Variants in ALDH2 observed in about 807,000 individuals in gnomAD.
ALDH2 encodes the protein aldehyde dehydrogenase, mitochondrial.
A neutral mutation model predicts 59.6 loss-of-function variants in ALDH2; 44 were observed. The ratio of observed to expected loss-of-function variants is 0.74; its 90% CI spans 0.58 to 0.95. ALDH2 has a LOEUF of 0.95. Among genes scored for constraint, ALDH2 ranks in the 40% least tolerant of loss-of-function variants. The probability of loss-of-function intolerance (pLI) is 0.00; values close to 1 mark genes in which losing one functional copy is unlikely to be tolerated. For synonymous variants in ALDH2, 291 were observed against 284.0 expected (o/e 1.02, Z -0.25); for missense variants, 570 against 696.3 (o/e 0.82, Z 2.04).
At chr12:111,799,840 C>G in intron 10 of ALDH2, 66 bp from the exon 11 acceptor site, 1 of 1,554,242 alleles carries the variant, frequency 6.4e-7, no homozygotes, top group Non-Finnish European at 8.8e-7. Context: ...CTGTTCTGCT[C>G]TGAGAGAGCT....
intron 3 of ALDH2, among the ~76,000 whole-genome samples, chr12:111,784,256 G>A (rs1321599106): frequency 6.6e-6 from 1 of 152,192 alleles, no homozygotes; most frequent in Non-Finnish European, 1.5e-5. Flanking sequence ...CAAGGCTGCA[G>A]TGAGCTGTTG....
intron 1 of ALDH2, among the ~76,000 whole-genome samples, chr12:111,779,413 T>C (rs1243901511): frequency 1.3e-5 from 2 of 150,016 alleles, no homozygotes; most frequent in African/African-American, 2.5e-5. Flanking sequence ...TGGTCTCAAA[T>C]TCCTGAGCTC....
intron 9 of ALDH2, among the ~76,000 whole-genome samples, chr12:111,793,622 G>C (rs1234868591): frequency 2.0e-5 from 3 of 151,486 alleles, no homozygotes; most frequent in Non-Finnish European, 2.9e-5. Context: ...TGGAGACAGA[G>C]TTTTGTTCTG....
intron 8 of ALDH2, 118 bp downstream of exon 8, chr12:111,792,281 G>T: frequency 1.2e-6 from 1 of 839,170 alleles, no homozygotes; most frequent in Non-Finnish European, 1.9e-6. Flanking sequence ...TGTCCCTCGG[G>T]CCTCAGGATA....
At chr12:111,791,278 C>T in intron 6 of ALDH2, 28 bp from the exon 7 acceptor site, 1 of 1,564,382 alleles carries the variant, frequency 6.4e-7, no homozygotes, top group Non-Finnish European at 8.8e-7. Context: ...AGGGTGACTC[C>T]CAATGTCCCC....
chr12:111,791,398 G>A lies in ALDH2; in HGVS notation c.774G>A (p.Val258=), dbSNP rs1331661625. 2 of 1,613,552 alleles carry A rather than the reference G, an allele frequency of 1.2e-6. No individual in the cohort carries two copies. The highest frequency in any genetic ancestry group is 1.7e-6 in the Non-Finnish European group (2 of 1,179,776). The change falls in exon 7 of 13, where the codon GTG becomes GTA. Residue 258 remains valine, a synonymous_variant. Coordinates refer to ENST00000261733, the MANE Select transcript of ALDH2 (RefSeq NM_000690.4). The part of the protein sequence containing the change: ...AIASHEDVDK[V]AFTGSTEIGR... ...CCTCCCATGAGGATGTGGACAAAGT[G>A]GCATTCACAGGCTCCACTGAGGTAA...
At chr12:111,798,016 C>T in intron 9 of ALDH2, 62 bp from the exon 10 acceptor site, 1 of 1,596,988 alleles carries the variant, frequency 6.3e-7, no homozygotes, top group Non-Finnish European at 8.6e-7. Context: ...TAATTCTAAG[C>T]CTGAAGCCTA....
chr12:111,793,806 G>C (rs777258026), intron 9 of ALDH2, among the ~76,000 whole-genome samples: 1 of 151,520 alleles, frequency 6.6e-6, no homozygotes, highest in Non-Finnish European at 1.5e-5. Flanking sequence ...GGCTGGTCTC[G>C]AACTCCTGAG....
chr12:111,802,609 T>A (rs905415368), intron 11 of ALDH2, among the ~76,000 whole-genome samples: 2 of 145,284 alleles, frequency 1.4e-5, no homozygotes, highest in South Asian at 2.2e-4. Flanking sequence ...GGCAGGGCGC[T>A]GTGGTTCACA....
intron 1 of ALDH2, among the ~76,000 whole-genome samples, chr12:111,771,035 C>A (rs1020163203): frequency 6.6e-6 from 1 of 151,976 alleles, no homozygotes; most frequent in Non-Finnish European, 1.5e-5. Context: ...CCTCCTTGGC[C>A]TCCCAAAGTG....
chr12:111,767,179 G>A, intron 1 of ALDH2, 83 bp downstream of exon 1: 2 of 1,161,240 alleles, frequency 1.7e-6, no homozygotes, highest in Non-Finnish European at 2.3e-6. Context: ...GCCGCCGTGG[G>A]CCTTAGTGTA....
chr12:111,788,293 A>T (rs1251389990), intron 4 of ALDH2, among the ~76,000 whole-genome samples: 2 of 151,932 alleles, frequency 1.3e-5, no homozygotes, highest in Admixed American at 1.3e-4. Context: ...CTCCCCGGGG[A>T]CACTGGGCAA....
At chr12:111,792,023 G>A (rs760854542) in intron 7 of ALDH2, 38 bp from the exon 8 acceptor site, 35 of 1,353,748 alleles carry the variant, frequency 2.6e-5, no homozygotes, top group East Asian at 2.1e-4. Flanking sequence ...CTTTTCTCCC[G>A]GCACTGAGAG....
chr12:111,792,889 C>T (rs558925875), intron 9 of ALDH2, 107 bp downstream of exon 9: 1 of 1,231,698 alleles, frequency 8.1e-7, no homozygotes, highest in South Asian at 1.5e-5. Flanking sequence ...TCAGCTCTAC[C>T]ACACAGCAGC....
intron 9 of ALDH2, among the ~76,000 whole-genome samples, 173 bp downstream of exon 9, chr12:111,792,955 G>A (rs1320830161): frequency 6.6e-6 from 1 of 152,050 alleles, no homozygotes; most frequent in Non-Finnish European, 1.5e-5. Context: ...CCCATCCCGA[G>A]CCGTGCCCTG....
intron 1 of ALDH2, among the ~76,000 whole-genome samples, chr12:111,780,638 T>C (rs2068264710): frequency 6.6e-6 from 1 of 152,158 alleles, no homozygotes. Flanking sequence ...AGTCACCTTC[T>C]CTGGATCCTC....
At chr12:111,808,539 T>C (rs574464772) in intron 12 of ALDH2, among the ~76,000 whole-genome samples, 1 of 152,174 alleles carries the variant, frequency 6.6e-6, no homozygotes, top group East Asian at 1.9e-4. Context: ...ATCCCTTCTC[T>C]ACTAAAAACA....
intron 1 of ALDH2, among the ~76,000 whole-genome samples, chr12:111,775,179 A>G (rs973327042): frequency 2.0e-5 from 3 of 152,218 alleles, no homozygotes; most frequent in Non-Finnish European, 2.9e-5. Context: ...TAGAAAGGAC[A>G]CGGCAGTGTC....
chr12:111,770,844 G>T (rs978416418), intron 1 of ALDH2, among the ~76,000 whole-genome samples: 7 of 151,978 alleles, frequency 4.6e-5, no homozygotes, highest in Non-Finnish European at 7.4e-5. Flanking sequence ...ATGAGGTTTC[G>T]CCATGTTGGC....
Sources: allele counts gnomAD v4.1 joint callset (sites outside exome capture counted in the v4.1 genomes callset), GRCh38; gene constraint gnomAD v4.1.1; transcripts MANE v1.5; gene names NCBI Gene and HGNC (gene_info 2026-07-23, HGNC 2026-07-21).